Variants in PDE3B observed in about 807,000 individuals in gnomAD.
PDE3B encodes phosphodiesterase 3B.
PDE3B carries 66 observed loss-of-function variants against 116.8 expected under a neutral mutation model. The observed-to-expected ratio is 0.56, with a 90% CI of 0.46 to 0.69. The LOEUF (loss-of-function observed/expected upper bound fraction) is 0.69. Among genes scored for constraint, PDE3B ranks in the 30% least tolerant of loss-of-function variants. The pLI, the probability that PDE3B is intolerant of heterozygous loss-of-function variation, is 0.00. For synonymous variants in PDE3B, 595 were observed against 533.6 expected, an observed-to-expected ratio of 1.12 and a Z score of -1.59; for missense variants, 1,384 against 1,368.1, an observed-to-expected ratio of 1.01 and a Z score of -0.18.
At chr11:14,878,080 G>A in the PDE3B span, 33 of 1,604,402 alleles carry the variant, frequency 2.1e-5, no homozygotes, top group Middle Eastern at 1.7e-4. Context: ...TCAGGGATAA[G>A]GCAAATATAC....
At chr11:14,867,922 TA>T (rs1848077780) in intron 15 of PDE3B, among the ~76,000 whole-genome samples, 164 bp downstream of exon 15, 1 of 152,194 alleles carries the variant, frequency 6.6e-6, no homozygotes, top group Admixed American at 6.5e-5. Context: ...ATTTTTCAAT[TA>T]GGGGTGCTAA....
At chr11:14,786,828 A>G (rs978972999) in intron 3 of PDE3B, 143 bp downstream of exon 3, 1 of 628,608 alleles carries the variant, frequency 1.6e-6, no homozygotes, top group Non-Finnish European at 2.8e-6. Flanking sequence ...GTTAGAGGCA[A>G]TTATAAGCTC....
At chr11:14,730,771 G>T (rs1856435065) in intron 1 of PDE3B, among the ~76,000 whole-genome samples, 1 of 152,074 alleles carries the variant, frequency 6.6e-6, no homozygotes, top group African/African-American at 2.4e-5. Context: ...TACTCACTTT[G>T]GAGAATGAGC....
chr11:14,840,016 C>A (rs547789861), intron 11 of PDE3B, among the ~76,000 whole-genome samples: 18 of 152,214 alleles, frequency 1.2e-4, no homozygotes, highest in African/African-American at 4.1e-4. Context: ...ATTCTGAAGG[C>A]AAATTCATGA....
the PDE3B span, chr11:14,880,315 T>C: frequency 1.2e-6 from 2 of 1,613,170 alleles, no homozygotes; most frequent in Non-Finnish European, 1.7e-6. Flanking sequence ...AACAAAATGC[T>C]GAGGTAGCTG....
At chr11:14,665,545 A>G (rs1242240309) in intron 1 of PDE3B, among the ~76,000 whole-genome samples, 27 of 152,204 alleles carry the variant, frequency 1.8e-4, no homozygotes, top group Non-Finnish European at 1.6e-4. Flanking sequence ...AAATCTCCTT[A>G]AGCTGATAAG....
intron 15 of PDE3B, among the ~76,000 whole-genome samples, chr11:14,868,195 A>C (rs1848082161): frequency 6.6e-6 from 1 of 152,212 alleles, no homozygotes; most frequent in African/African-American, 2.4e-5. Context: ...ATTTAATTAA[A>C]GTAACATCTC....
chr11:14,778,598 G>A (rs1166354307), intron 2 of PDE3B, among the ~76,000 whole-genome samples: 1 of 152,202 alleles, frequency 6.6e-6, no homozygotes, highest in African/African-American at 2.4e-5. Flanking sequence ...ACCTGCAGCT[G>A]AGGTTCCTGA....
intron 4 of PDE3B, among the ~76,000 whole-genome samples, chr11:14,798,245 G>T (rs1181551077): frequency 2.6e-5 from 4 of 152,160 alleles, no homozygotes; most frequent in African/African-American, 9.7e-5. Context: ...ATTGATTTGT[G>T]TATGTTGAAC....
At position 14,645,054 on chromosome 11, in the gene PDE3B, G is replaced by C; in HGVS notation, c.978+1G>C. 1 of 1,583,086 alleles carries C rather than the reference G, an allele frequency of 6.3e-7. No individual in the cohort carries two copies. The highest frequency in any genetic ancestry group is 8.6e-7 in the Non-Finnish European group (1 of 1,163,006). On this transcript the variant is annotated splice_donor_variant, in intron 1 of 15. Transcript: ENST00000282096. LOFTEE classifies it high-confidence loss of function. Reference sequence around the variant, plus strand: ...GTTGCCTTGTATTTCCAGAGAACAGGTATGTTAGCTGGAAGGCGAGGTCTG... The same window carrying C: ...GTTGCCTTGTATTTCCAGAGAACAGCTATGTTAGCTGGAAGGCGAGGTCTG...
At chr11:14,736,777 A>C (rs1379161787) in intron 1 of PDE3B, among the ~76,000 whole-genome samples, 3 of 152,226 alleles carry the variant, frequency 2.0e-5, no homozygotes, top group Non-Finnish European at 2.9e-5. Flanking sequence ...TGAAGGTTCC[A>C]CAAACAATAA....
At chr11:14,812,815 C>T (rs1565148796) in intron 5 of PDE3B, among the ~76,000 whole-genome samples, 1 of 152,162 alleles carries the variant, frequency 6.6e-6, no homozygotes, top group Non-Finnish European at 1.5e-5. Context: ...CTGTAAACTG[C>T]ATATTCATAT....
intron 5 of PDE3B, among the ~76,000 whole-genome samples, chr11:14,804,911 T>C (rs1052847256): frequency 2.6e-5 from 4 of 152,088 alleles, no homozygotes; most frequent in African/African-American, 9.7e-5. Context: ...AAGAATGGAT[T>C]GGATACAACA....
At chr11:14,671,662 G>A (rs1251868807) in intron 1 of PDE3B, among the ~76,000 whole-genome samples, 1 of 152,114 alleles carries the variant, frequency 6.6e-6, no homozygotes, top group Non-Finnish European at 1.5e-5. Context: ...ATCCAAGTGA[G>A]ACATAATAGT....
At chr11:14,857,618 G>C (rs545138494) in intron 12 of PDE3B, among the ~76,000 whole-genome samples, 1 of 152,224 alleles carries the variant, frequency 6.6e-6, no homozygotes, top group East Asian at 1.9e-4. Context: ...ATTATATCTA[G>C]ATTCTAATAC....
At chr11:14,728,719 A>G (rs1856380381) in intron 1 of PDE3B, among the ~76,000 whole-genome samples, 1 of 152,102 alleles carries the variant, frequency 6.6e-6, no homozygotes. Context: ...ACAGGTAATT[A>G]TTCTATGTCA....
chr11:14,887,872 A>C, the PDE3B span: 1 of 152,670 alleles, frequency 6.6e-6, no homozygotes, highest in Non-Finnish European at 1.5e-5. Flanking sequence ...TATAACCTGC[A>C]GGTGACCGGT....
At chr11:14,810,628 A>G (rs2133941911) in intron 5 of PDE3B, among the ~76,000 whole-genome samples, 1 of 150,146 alleles carries the variant, frequency 6.7e-6, no homozygotes, top group Non-Finnish European at 1.5e-5. Flanking sequence ...CAATAAACAT[A>G]CGTGTGCATG....
At chr11:14,707,966 C>G (rs1855580358) in intron 1 of PDE3B, among the ~76,000 whole-genome samples, 1 of 152,152 alleles carries the variant, frequency 6.6e-6, no homozygotes, top group African/African-American at 2.4e-5. Context: ...AGAAGCATCC[C>G]TTGGAAGGTA....
Sources: gnomAD v4.1 joint callset for allele counts (sites outside exome capture counted in the v4.1 genomes callset) on GRCh38, gnomAD v4.1.1 for gene constraint, MANE v1.5 for transcripts, NCBI Gene and HGNC (gene_info 2026-07-23, HGNC 2026-07-21) for gene names.